Variants in GRM1 observed in about 807,000 individuals in gnomAD.
The protein encoded by GRM1 is glutamate metabotropic receptor 1.
In GRM1, 33 loss-of-function variants were observed where a neutral mutation model predicts 90.9. The observed-to-expected ratio is 0.36, with a 90% CI of 0.28 to 0.49. GRM1 has a LOEUF of 0.49. Ranked by LOEUF, GRM1 falls within the 20% of genes least tolerant of loss-of-function variation. GRM1 has a pLI of 0.99. For synonymous variants in GRM1, 700 were observed against 613.2 expected (o/e 1.14, Z -2.09); for missense variants, 1,190 against 1,534.3 (o/e 0.78, Z 3.75).
intron 1 of GRM1, among the ~76,000 whole-genome samples, chr6:146,037,696 A>G (rs1328429972): frequency 6.6e-6 from 1 of 151,970 alleles, no homozygotes; most frequent in Non-Finnish European, 1.5e-5. Flanking sequence ...TTGTCCCACC[A>G]ATACCTATCC....
Position 146,434,908 on chromosome 6 carries a change from A to C in GRM1, c.*112A>C. 1.1e-6 allele frequency: 1 copy of C among 911,488 alleles called. No individual in the cohort carries two copies. The highest frequency in any genetic ancestry group is 1.4e-5 in the South Asian group (1 of 73,696). The allele number at this position is 911,488 out of a possible 1,614,324, so 56.5% of individuals were successfully genotyped here. A position where few individuals can be genotyped will look rare whatever the true frequency, so the allele number is the denominator to read the frequency against. On this transcript the variant is annotated 3_prime_UTR_variant, in exon 8 of 8. Coordinates refer to ENST00000282753, the MANE Select transcript of GRM1 (RefSeq NM_001278064.2). ...GGGAGTGGGGGGCCTCGTCGGGAGG[A>C]CAGGAGACCGCTGCTGCTGCTGCCG...
rs538085616 is a variant in GRM1 at position 146,380,089 on chromosome 6, C to T, written c.1603-6801C>T. Among the ~76,000 whole-genome samples, 6 of 152,178 alleles carry T rather than the reference C, an allele frequency of 3.9e-5. No homozygotes were observed. The East Asian group carries it at 9.7e-4, about 25-fold the overall frequency. On this transcript the variant is annotated intron_variant, in intron 5 of 7. Transcript: ENST00000282753. ...AGTCAGCACAGTATTGGTTCTTTCT[C>T]AAGGCCTGCTGAAACCACTCCATGC...
intron 1 of GRM1, among the ~76,000 whole-genome samples, chr6:146,093,263 T>C (rs1776769866): frequency 6.6e-6 from 1 of 152,124 alleles, no homozygotes; most frequent in Non-Finnish European, 1.5e-5. Flanking sequence ...ATCCAATGCT[T>C]CCACGTCTTT....
chr6:146,231,417 G>A (rs1354827136), intron 2 of GRM1, among the ~76,000 whole-genome samples: 2 of 152,130 alleles, frequency 1.3e-5, no homozygotes, highest in Non-Finnish European at 2.9e-5. Context: ...GGAATTTGCA[G>A]TACTATGTTG....
At chr6:146,129,805 G>A (rs540171948) in intron 1 of GRM1, among the ~76,000 whole-genome samples, 65 of 152,278 alleles carry the variant, frequency 4.3e-4, no homozygotes, top group African/African-American at 1.1e-3. Flanking sequence ...TGTGCCAGTC[G>A]GGGCTTCTCT....
chr6:146,101,340 T>C (rs1243744743), intron 1 of GRM1, among the ~76,000 whole-genome samples: 1 of 152,192 alleles, frequency 6.6e-6, no homozygotes, highest in Non-Finnish European at 1.5e-5. Flanking sequence ...TTGCTTATCA[T>C]TTCTTTTCAC....
intron 6 of GRM1, among the ~76,000 whole-genome samples, chr6:146,393,247 C>T (rs576893792): frequency 3.9e-4 from 59 of 152,254 alleles, no homozygotes; most frequent in South Asian, 1.9e-3. Context: ...GAGATGGTGT[C>T]TCGTTGTGCT....
intron 1 of GRM1, among the ~76,000 whole-genome samples, chr6:146,156,298 C>T (rs1777525912): frequency 6.6e-6 from 1 of 152,272 alleles, no homozygotes. Flanking sequence ...CCCAGCTGCT[C>T]AGGAGGCTGA....
intron 2 of GRM1, among the ~76,000 whole-genome samples, chr6:146,256,100 G>A (rs141970839): frequency 0.018 from 2,727 of 152,224 alleles, 42 homozygotes; most frequent in Middle Eastern, 0.031. Context: ...AGCTTGAGTC[G>A]AAGAGAATAG....
intron 7 of GRM1, among the ~76,000 whole-genome samples, chr6:146,425,864 T>C (rs1278085619): frequency 6.6e-6 from 1 of 152,232 alleles, no homozygotes; most frequent in Non-Finnish European, 1.5e-5. Flanking sequence ...CGACTACCCC[T>C]GGCTGCCCAT....
chr6:146,140,043 T>C (rs1048759247), intron 1 of GRM1, among the ~76,000 whole-genome samples: 1 of 143,978 alleles, frequency 6.9e-6, no homozygotes, highest in Non-Finnish European at 1.5e-5. Flanking sequence ...TTTGCTTCTT[T>C]CCTCTCTTCT....
chr6:146,167,633 A>G (rs1176892605), intron 2 of GRM1, among the ~76,000 whole-genome samples: 2 of 152,128 alleles, frequency 1.3e-5, no homozygotes, highest in South Asian at 4.2e-4. Flanking sequence ...CATTTTCCTA[A>G]TGACTAATAA....
intron 2 of GRM1, among the ~76,000 whole-genome samples, chr6:146,252,693 C>T (rs1010773674): frequency 3.3e-5 from 5 of 152,032 alleles, no homozygotes; most frequent in African/African-American, 1.2e-4. Flanking sequence ...GGAAATTTTA[C>T]GTAGTTGAAA....
intron 2 of GRM1, among the ~76,000 whole-genome samples, chr6:146,298,336 C>T (rs1783258784): frequency 6.6e-6 from 1 of 152,004 alleles, no homozygotes; most frequent in African/African-American, 2.4e-5. Flanking sequence ...GAAGCAGAGC[C>T]CTACTCAACT....
At chr6:146,164,863 A>G (rs1777853070) in intron 2 of GRM1, among the ~76,000 whole-genome samples, 1 of 152,040 alleles carries the variant, frequency 6.6e-6, no homozygotes, top group African/African-American at 2.4e-5. Context: ...GTCTTTGACT[A>G]GACATACTAG....
At chr6:146,317,706 C>T (rs1463956716) in intron 3 of GRM1, among the ~76,000 whole-genome samples, 1 of 152,212 alleles carries the variant, frequency 6.6e-6, no homozygotes, top group Non-Finnish European at 1.5e-5. Context: ...AGAACAGCTT[C>T]TATCTGGAAC....
intron 1 of GRM1, among the ~76,000 whole-genome samples, chr6:146,089,681 A>G (rs144261573): frequency 1.9e-3 from 296 of 152,234 alleles, no homozygotes; most frequent in African/African-American, 6.0e-3. Flanking sequence ...TTTAAATTTT[A>G]ATAGGTGATG....
At chr6:146,178,165 C>G in intron 2 of GRM1, among the ~76,000 whole-genome samples, 1 of 152,112 alleles carries the variant, frequency 6.6e-6, no homozygotes, top group East Asian at 1.9e-4. Context: ...TCCTTAGACT[C>G]CTTTTGGGTA....
chr6:146,351,581 T>A (rs1468770541), intron 3 of GRM1, among the ~76,000 whole-genome samples: 3 of 152,084 alleles, frequency 2.0e-5, no homozygotes, highest in African/African-American at 7.2e-5. Context: ...GATTGCAGGG[T>A]TTTTGAAATT....
Sources: gnomAD v4.1 joint callset for allele counts (sites outside exome capture counted in the v4.1 genomes callset) on GRCh38, gnomAD v4.1.1 for gene constraint, MANE v1.5 for transcripts, NCBI Gene and HGNC (gene_info 2026-07-23, HGNC 2026-07-21) for gene names.